SPAG16: variants seen among roughly 807,000 people sequenced by gnomAD.
The protein encoded by SPAG16 is sperm associated antigen 16, also known as sperm-associated antigen 16 protein.
SPAG16 carries 86 observed loss-of-function variants against 80.4 expected under a neutral mutation model. The observed-to-expected ratio is 1.07, with a 90% CI of 0.90 to 1.28. The LOEUF (loss-of-function observed/expected upper bound fraction) is 1.28. Ranked by LOEUF, SPAG16 falls within the 50% of genes most tolerant of loss-of-function variation. The pLI, the probability that SPAG16 is intolerant of heterozygous loss-of-function variation, is 0.00. For synonymous variants in SPAG16, 294 were observed against 265.9 expected, an observed-to-expected ratio of 1.11 and a Z score of -1.03; for missense variants, 870 against 765.3, an observed-to-expected ratio of 1.14 and a Z score of -1.61.
intron 3 of SPAG16, among the ~76,000 whole-genome samples, chr2:213,302,873 G>A (rs2062801177): frequency 6.6e-6 from 1 of 152,004 alleles, no homozygotes; most frequent in Admixed American, 6.6e-5. Flanking sequence ...TGTTGCAACC[G>A]TACATACAAC....
chr2:213,952,507 C>A (rs2079841787), intron 12 of SPAG16, among the ~76,000 whole-genome samples: 1 of 151,958 alleles, frequency 6.6e-6, no homozygotes. Context: ...AATGGCTATC[C>A]AATTTATAAA....
At chr2:213,986,075 G>A (rs564833428) in intron 12 of SPAG16, among the ~76,000 whole-genome samples, 20 of 152,042 alleles carry the variant, frequency 1.3e-4, no homozygotes, top group South Asian at 4.1e-4. Context: ...AGTAGTAGAC[G>A]CTTAAAGAAT....
At chr2:214,358,362 C>A (rs972401640) in intron 15 of SPAG16, among the ~76,000 whole-genome samples, 4 of 151,868 alleles carry the variant, frequency 2.6e-5, no homozygotes, top group Non-Finnish European at 5.9e-5. Flanking sequence ...CAAACGCCAC[C>A]TTTAGTGATA....
At chr2:213,975,070 T>A (rs1317720763) in intron 12 of SPAG16, among the ~76,000 whole-genome samples, 3 of 151,160 alleles carry the variant, frequency 2.0e-5, no homozygotes, top group African/African-American at 7.3e-5. Context: ...TAAATAAAAA[T>A]TTATAGACTT....
At chr2:213,383,357 T>A (rs1454397762) in intron 9 of SPAG16, among the ~76,000 whole-genome samples, 3 of 152,170 alleles carry the variant, frequency 2.0e-5, no homozygotes, top group Non-Finnish European at 4.4e-5. Flanking sequence ...TCTTGACTTA[T>A]CTTCTAGCTC....
intron 5 of SPAG16, among the ~76,000 whole-genome samples, chr2:213,339,033 A>G (rs1202502090): frequency 6.6e-6 from 1 of 152,140 alleles, no homozygotes; most frequent in Non-Finnish European, 1.5e-5. Flanking sequence ...TTAAAAAAAA[A>G]AAAAAGAAAA....
intron 10 of SPAG16, among the ~76,000 whole-genome samples, chr2:213,595,684 T>C (rs1200521900): frequency 6.6e-6 from 1 of 152,104 alleles, no homozygotes; most frequent in East Asian, 1.9e-4. Flanking sequence ...ATTGCTACCT[T>C]AAGTAATATG....
intron 12 of SPAG16, among the ~76,000 whole-genome samples, chr2:213,962,832 C>G (rs1435955535): frequency 6.6e-6 from 1 of 152,170 alleles, no homozygotes; most frequent in East Asian, 1.9e-4. Context: ...AGTTGTCTAT[C>G]ATAGTACTTT....
chr2:213,908,605 G>C (rs75473892), intron 11 of SPAG16, among the ~76,000 whole-genome samples: 1 of 152,006 alleles, frequency 6.6e-6, no homozygotes, highest in Non-Finnish European at 1.5e-5. Context: ...CCTATATATA[G>C]TGCTGTCCTC....
At chr2:213,654,401 G>T (rs1408191343) in intron 10 of SPAG16, among the ~76,000 whole-genome samples, 1 of 151,818 alleles carries the variant, frequency 6.6e-6, no homozygotes, top group African/African-American at 2.4e-5. Flanking sequence ...TAGCATATTA[G>T]AAGTTGCAAT....
chr2:214,145,405 C>T lies in SPAG16; in HGVS notation c.1594-3735C>T, dbSNP rs1323345180. 2.0e-5 allele frequency among the ~76,000 whole-genome samples: 3 copies of T among 152,024 alleles called. 1 individual carries two copies. The East Asian group carries it at 5.8e-4, about 29-fold the overall frequency. ...ATGCTACATTGGTTTTTTCATAATACATTTTTCTTTAATTTATAATAAAGT... is the reference window on the plus strand; with the variant it reads ...ATGCTACATTGGTTTTTTCATAATATATTTTTCTTTAATTTATAATAAAGT... On this transcript the variant is annotated intron_variant, in intron 14 of 15. Transcript: ENST00000331683.
At chr2:213,313,970 T>C (rs1250991347) in intron 4 of SPAG16, among the ~76,000 whole-genome samples, 2 of 151,872 alleles carry the variant, frequency 1.3e-5, no homozygotes, top group Admixed American at 6.6e-5. Flanking sequence ...AAGATGACCT[T>C]TCCCCTGTCT....
intron 13 of SPAG16, among the ~76,000 whole-genome samples, chr2:214,038,561 C>G (rs1442509408): frequency 6.6e-6 from 1 of 151,218 alleles, no homozygotes; most frequent in Non-Finnish European, 1.5e-5. Flanking sequence ...TTTTTTAATA[C>G]TTTAAGTTTT....
intron 10 of SPAG16, among the ~76,000 whole-genome samples, chr2:213,593,797 C>G (rs1301894499): frequency 6.9e-5 from 5 of 72,478 alleles, no homozygotes; most frequent in South Asian, 5.2e-4. Context: ...TTTTTTGGGA[C>G]GGAGTCTGGC....
intron 11 of SPAG16, among the ~76,000 whole-genome samples, chr2:213,915,307 G>A (rs917866333): frequency 6.6e-6 from 1 of 151,558 alleles, no homozygotes; most frequent in Admixed American, 6.6e-5. Flanking sequence ...AGGCCCCAGT[G>A]TGTGATCTTC....
intron 9 of SPAG16, among the ~76,000 whole-genome samples, chr2:213,484,636 T>C (rs1279916585): frequency 6.6e-6 from 1 of 152,200 alleles, no homozygotes; most frequent in African/African-American, 2.4e-5. Flanking sequence ...TTTAAAAATA[T>C]ATATCTTAAA....
At chr2:214,234,968 A>T (rs1688975879) in intron 15 of SPAG16, among the ~76,000 whole-genome samples, 1 of 152,140 alleles carries the variant, frequency 6.6e-6, no homozygotes, top group African/African-American at 2.4e-5. Flanking sequence ...ACTAATGATT[A>T]TGCACCACTT....
At chr2:213,871,535 C>T (rs566445387) in intron 11 of SPAG16, among the ~76,000 whole-genome samples, 3 of 151,926 alleles carry the variant, frequency 2.0e-5, no homozygotes, top group South Asian at 2.1e-4. Context: ...TACATGCAAG[C>T]GGAGGGCTGT....
intron 15 of SPAG16, among the ~76,000 whole-genome samples, chr2:214,319,222 A>ACACACACACACG (rs1414206930): frequency 4.0e-5 from 6 of 151,582 alleles, no homozygotes; most frequent in Non-Finnish European, 8.8e-5. Flanking sequence ...ACACACACAC[A>ACACACACACACG]CAAGAAGTGT....
Sources: allele counts gnomAD v4.1 joint callset (sites outside exome capture counted in the v4.1 genomes callset), GRCh38; gene constraint gnomAD v4.1.1; transcripts MANE v1.5; gene names NCBI Gene and HGNC (gene_info 2026-07-23, HGNC 2026-07-21).